Variants in PGAM2 observed in about 807,000 individuals in gnomAD.
PGAM2 encodes the protein BPG-dependent PGAM 2.
PGAM2 carries 23 observed loss-of-function variants against 22.5 expected under a neutral mutation model. That is an observed-to-expected ratio of 1.02 (90% CI 0.74 to 1.45). The LOEUF (loss-of-function observed/expected upper bound fraction) is 1.45. Ranked by LOEUF, PGAM2 falls within the 40% of genes most tolerant of loss-of-function variation. The pLI, the probability that PGAM2 is intolerant of heterozygous loss-of-function variation, is 0.00. For synonymous variants in PGAM2, 133 were observed against 138.6 expected (o/e 0.96, Z 0.29); for missense variants, 349 against 356.2 (o/e 0.98, Z 0.16).
At position 44,065,566 on chromosome 7, in the gene PGAM2, A is replaced by T. The variant is rs2096158510; in HGVS notation, c.-37T>A. 4 of 1,600,080 alleles carry T rather than the reference A, an allele frequency of 2.5e-6. No homozygotes were observed. The highest frequency in any genetic ancestry group is 3.4e-6 in the Non-Finnish European group (4 of 1,169,214). On this transcript the variant is annotated 5_prime_UTR_variant, in exon 1 of 3. Transcript: ENST00000297283. The stretch of plus-strand genomic sequence containing the variant: ...GGACCACAGAGGACTCTGGACGGGG[A>T]CGGCTGCTTCCCAACACTCCCAGCT...
At chr7:44,064,792 T>TGG in intron 2 of PGAM2, 40 bp downstream of exon 2, 20 of 1,279,318 alleles carry the variant, frequency 1.6e-5, no homozygotes, top group African/African-American at 2.9e-5. Flanking sequence ...CTGGGGCTGC[T>TGG]GCCCACCCAC....
At chr7:44,064,652 C>G (rs1365959007) in intron 2 of PGAM2, 180 bp downstream of exon 2, 1 of 643,522 alleles carries the variant, frequency 1.6e-6, no homozygotes, top group Admixed American at 2.4e-5. Flanking sequence ...CCCAGTTACA[C>G]AGAAATGGGG....
At chr7:44,064,783 T>G (rs761917835) in intron 2 of PGAM2, 49 bp downstream of exon 2, 17 of 1,466,154 alleles carry the variant, frequency 1.2e-5, no homozygotes, top group Non-Finnish European at 1.2e-5. Flanking sequence ...AGAAGCCAGC[T>G]GGGGCTGCTG....
At chr7:44,064,801 A>AGC in intron 2 of PGAM2, 31 bp downstream of exon 2, 12 of 706,506 alleles carry the variant, frequency 1.7e-5, no homozygotes, top group East Asian at 3.9e-5. Context: ...CTGCCCACCC[A>AGC]CCCTGCCCAG....
intron 2 of PGAM2, 64 bp downstream of exon 2, chr7:44,064,768 A>G (rs896332394): frequency 6.5e-5 from 91 of 1,406,884 alleles, no homozygotes; most frequent in Non-Finnish European, 8.6e-5. Flanking sequence ...GACTTTGCTG[A>G]GATGAGAAGC....
At chr7:44,064,759 A>G in intron 2 of PGAM2, 73 bp downstream of exon 2, 2 of 1,335,880 alleles carry the variant, frequency 1.5e-6, no homozygotes, top group Non-Finnish European at 1.0e-6. Flanking sequence ...TGGGCGAGAG[A>G]CTTTGCTGAG....
At chr7:44,064,281 G>T in intron 2 of PGAM2, 1 of 182,946 alleles carries the variant, frequency 5.5e-6, no homozygotes, top group Non-Finnish European at 1.2e-5. Flanking sequence ...CCATAGTCCT[G>T]CACCCCTCTT....
Position 44,064,929 on chromosome 7 carries a change from G to A in PGAM2, c.498C>T (p.Phe166=). The A allele has an allele frequency of 6.2e-7, 1 of 1,610,688 alleles. No individual in the cohort carries two copies. The highest frequency in any genetic ancestry group is 8.5e-7 in the Non-Finnish European group (1 of 1,179,728). The change falls in exon 2 of 3, where the codon TTC becomes TTT. Residue 166 remains phenylalanine (F), a synonymous_variant. Transcript: ENST00000297283. ...LKDTIARALP[F]WNEEIVPQIK... ...TCTGGGGAACAATCTCCTCGTTCCA[G>A]AAGGGCAGGGCCCGGGCAATGGTGT...
chr7:44,062,922 C>A lies in PGAM2; in HGVS notation c.604G>T (p.Asp202Tyr), dbSNP rs1255502985. 6.2e-7 allele frequency: 1 copy of A among 1,614,080 alleles called. No homozygotes were observed. Among genetic ancestry groups the A allele is most frequent in the Non-Finnish European group, 8.5e-7 (1 of 1,180,038 alleles). Residue 202 changes from aspartate (D) to tyrosine (Y), a missense_variant, in exon 3 of 3, where the codon GAC (aspartate) becomes TAC (tyrosine). Transcript: ENST00000297283. ...AGGTTCAGCTCCATGATCGCCTGGT[C>A]TGACATCCCTATGCCGGAAGGAATA... ...GIVKHLEGMS[D>Y]QAIMELNLPT...
chr7:44,064,797 A>ACC, intron 2 of PGAM2, 35 bp downstream of exon 2: 2 of 633,306 alleles, frequency 3.2e-6, no homozygotes, highest in Non-Finnish European at 5.5e-6. Flanking sequence ...GCTGCTGCCC[A>ACC]CCCACCCTGC....
At chr7:44,063,761 C>T (rs2096153739) in intron 2 of PGAM2, 1 of 153,662 alleles carries the variant, frequency 6.5e-6, no homozygotes, top group South Asian at 2.0e-4. Context: ...TCCACCCCTG[C>T]TCCGTGCAGG....
At chr7:44,064,141 T>A (rs986213317) in intron 2 of PGAM2, 1 of 153,950 alleles carries the variant, frequency 6.5e-6, no homozygotes, top group Non-Finnish European at 1.4e-5. Flanking sequence ...GTCAGAATAC[T>A]AAGGTGGGAG....
Position 44,065,379 on chromosome 7 carries a change from CCAT to C in PGAM2, c.148_150del (p.Met50del). 1 of 1,614,086 alleles carries C rather than the reference CCAT, an allele frequency of 6.2e-7. No individual in the cohort carries two copies. The highest frequency in any genetic ancestry group is 1.7e-5 in the Admixed American group (1 of 60,028). On this transcript the variant is annotated inframe_deletion, in exon 1 of 3. Coordinates refer to ENST00000297283, the MANE Select transcript of PGAM2 (RefSeq NM_000290.4). ...ACTGACGTGTAGCAGATGTCAAACTCCATCTTGGCATCCTTGATGGCCTTGGCT... is the reference window on the plus strand; with the variant it reads ...ACTGACGTGTAGCAGATGTCAAACTCCTTGGCATCCTTGATGGCCTTGGCT...
At position 44,062,745 on chromosome 7, in the gene PGAM2, T is replaced by C; in HGVS notation, c.*19A>G. 6.2e-7 allele frequency: 1 copy of C among 1,613,646 alleles called. No individual in the cohort carries two copies. The highest frequency in any genetic ancestry group is 8.5e-7 in the Non-Finnish European group (1 of 1,179,842). On this transcript the variant is annotated 3_prime_UTR_variant, in exon 3 of 3. Coordinates refer to ENST00000297283, the MANE Select transcript of PGAM2 (RefSeq NM_000290.4). ...TCCAGGCTGTTGGGGGAGGTGCCTT[T>C]ATTGCCCAAGCCCACCCCTCACTTG...
At chr7:44,063,062 G>T in intron 2 of PGAM2, 132 bp from the exon 3 acceptor site, 14 of 972,270 alleles carry the variant, frequency 1.4e-5, no homozygotes, top group Non-Finnish European at 2.3e-5. Context: ...TGAGAACGAG[G>T]CCACAGAAAT....
rs747623410 is a variant in PGAM2, at chr7:44,065,540, G to C, written c.-11C>G. On this transcript the variant is annotated 5_prime_UTR_variant, in exon 1 of 3. Transcript: ENST00000297283. ...GCGGTGAGTGGCCATGGTGGCAGCA[G>C]GGACCACAGAGGACTCTGGACGGGG... 6.2e-7 allele frequency: 1 copy of C among 1,613,514 alleles called. No individual in the cohort carries two copies. Among genetic ancestry groups the C allele is most frequent in the East Asian group, 2.2e-5 (1 of 44,890 alleles).
chr7:44,065,313 C>T lies in PGAM2; in HGVS notation c.217G>A (p.Gly73Ser), dbSNP rs148629845. Residue 73 changes from glycine (G) to serine (S), a missense_variant, in exon 1 of 3, where the codon GGC becomes AGC. By Grantham distance (56) the Gly-to-Ser change is moderately conservative. Transcript: ENST00000297283. ...ACAGGCAGCCACATCTGGTCCGTGC[C>T]GTCCAGGATGGCCCAGAGGGTGCGG... is the stretch of plus-strand genomic sequence containing the variant. ...AIRTLWAILD[G>S]TDQMWLPVVR... 3.1e-6 allele frequency: 5 copies of T among 1,613,704 alleles called. No homozygotes were observed. The highest frequency in any genetic ancestry group is 1.7e-5 in the Admixed American group (1 of 60,028).
chr7:44,064,773 A>G, intron 2 of PGAM2, 59 bp downstream of exon 2: 1 of 1,448,362 alleles, frequency 6.9e-7, no homozygotes, highest in Non-Finnish European at 9.4e-7. Context: ...TGCTGAGATG[A>G]GAAGCCAGCT....
At chr7:44,064,796 C>CCCCCCCCCGCCCCCGCGCCGGG in intron 2 of PGAM2, 36 bp downstream of exon 2, 1 of 1,158,932 alleles carries the variant, frequency 8.6e-7, no homozygotes, top group African/African-American at 1.5e-5. Flanking sequence ...GGCTGCTGCC[C>CCCCCCCCCGCCCCCGCGCCGGG]ACCCACCCTG....
Sources: allele counts gnomAD v4.1 joint callset, GRCh38; gene constraint gnomAD v4.1.1; transcripts MANE v1.5; gene names NCBI Gene and HGNC (gene_info 2026-07-23, HGNC 2026-07-21).